LHFPL3: variants seen among roughly 807,000 people sequenced by gnomAD.
LHFPL3 encodes LHFPL tetraspan subfamily member 3.
LHFPL3 carries 5 observed loss-of-function variants against 19.3 expected under a neutral mutation model. The ratio of observed to expected loss-of-function variants is 0.26; its 90% confidence interval spans 0.14 to 0.54. The LOEUF (loss-of-function observed/expected upper bound fraction) is 0.54. Ranked by LOEUF, LHFPL3 falls within the 20% of genes least tolerant of loss-of-function variation. LHFPL3 has a pLI of 0.94. For synonymous variants in LHFPL3, 133 were observed against 126.2 expected (o/e 1.05, Z -0.36); for missense variants, 249 against 307.4 (o/e 0.81, Z 1.42).
At chr7:104,696,528 A>T (rs1011627702) in intron 1 of LHFPL3, among the ~76,000 whole-genome samples, 2 of 152,138 alleles carry the variant, frequency 1.3e-5, no homozygotes, top group African/African-American at 4.8e-5. Flanking sequence ...CTTATAAAGG[A>T]TAGTGAGAAT....
intron 2 of LHFPL3, among the ~76,000 whole-genome samples, chr7:104,756,543 A>C (rs961326510): frequency 3.3e-5 from 5 of 152,206 alleles, no homozygotes; most frequent in African/African-American, 1.2e-4. Context: ...TCTGTCACTC[A>C]GGCTGAAGTG....
chr7:104,732,338 T>C (rs983247387), intron 1 of LHFPL3, among the ~76,000 whole-genome samples: 1 of 152,222 alleles, frequency 6.6e-6, no homozygotes, highest in African/African-American at 2.4e-5. Flanking sequence ...AATTCGGCTG[T>C]GAATCCATCT....
At chr7:104,851,331 C>A (rs1337169128) in intron 2 of LHFPL3, among the ~76,000 whole-genome samples, 1 of 152,180 alleles carries the variant, frequency 6.6e-6, no homozygotes, top group Non-Finnish European at 1.5e-5. Flanking sequence ...GTCTGAGTCT[C>A]TGGGCTGGTT....
chr7:104,576,752 A>G (rs1415153535), intron 1 of LHFPL3, among the ~76,000 whole-genome samples: 1 of 152,170 alleles, frequency 6.6e-6, no homozygotes, highest in Non-Finnish European at 1.5e-5. Flanking sequence ...CTTGACCTAC[A>G]GGTCTCTCAA....
intron 1 of LHFPL3, among the ~76,000 whole-genome samples, chr7:104,685,461 C>G (rs1792787016): frequency 6.6e-6 from 1 of 152,236 alleles, no homozygotes; most frequent in Non-Finnish European, 1.5e-5. Context: ...CACAGACACA[C>G]ACACACATTC....
chr7:104,874,001 G>C (rs569401083), intron 2 of LHFPL3, among the ~76,000 whole-genome samples: 14 of 152,292 alleles, frequency 9.2e-5, no homozygotes, highest in African/African-American at 3.4e-4. Context: ...AATGAAAACT[G>C]GCCCATGGGG....
At chr7:104,831,134 G>A (rs1383802576) in intron 2 of LHFPL3, among the ~76,000 whole-genome samples, 2 of 151,912 alleles carry the variant, frequency 1.3e-5, no homozygotes, top group Admixed American at 6.5e-5. Flanking sequence ...ATTTCACTGT[G>A]TGACCACATT....
chr7:104,556,334 G>A (rs1188886124), intron 1 of LHFPL3, among the ~76,000 whole-genome samples: 1 of 152,200 alleles, frequency 6.6e-6, no homozygotes, highest in Non-Finnish European at 1.5e-5. Flanking sequence ...GCATCCAGGT[G>A]TTTCCATATA....
chr7:104,670,516 CA>C (rs1562962295), intron 1 of LHFPL3, among the ~76,000 whole-genome samples: 1 of 152,120 alleles, frequency 6.6e-6, no homozygotes, highest in Non-Finnish European at 1.5e-5. Flanking sequence ...CTTAACCTCC[CA>C]AAAAGCAGTA....
intron 1 of LHFPL3, among the ~76,000 whole-genome samples, chr7:104,541,430 T>C (rs530664990): frequency 2.0e-5 from 3 of 152,288 alleles, no homozygotes; most frequent in East Asian, 3.9e-4. Context: ...TCATTGTGTC[T>C]GAACAATGAG....
chr7:104,452,112 C>G (rs550222367), intron 1 of LHFPL3, among the ~76,000 whole-genome samples: 1 of 151,938 alleles, frequency 6.6e-6, no homozygotes, highest in Admixed American at 6.6e-5. Flanking sequence ...AAATAATCAC[C>G]GAGAAATAGC....
chr7:104,665,375 G>T (rs1014936742), intron 1 of LHFPL3, among the ~76,000 whole-genome samples: 8 of 152,160 alleles, frequency 5.3e-5, no homozygotes, highest in Admixed American at 5.2e-4. Context: ...AGAAGAGGAG[G>T]ATAATATGGT....
chr7:104,548,078 T>A (rs371924913), intron 1 of LHFPL3, among the ~76,000 whole-genome samples: 1 of 152,144 alleles, frequency 6.6e-6, no homozygotes, highest in Non-Finnish European at 1.5e-5. Flanking sequence ...AAAAGCTGGA[T>A]ACATTTTTAA....
At position 104,549,976 on chromosome 7, in the gene LHFPL3, G is replaced by A. The variant is rs146127404; in HGVS notation, c.446-186699G>A. Among the ~76,000 whole-genome samples, 389 of 152,242 alleles carry A rather than the reference G, an allele frequency of 2.6e-3. 2 individuals carry two copies. The highest frequency in any genetic ancestry group is 8.9e-3 in the African/African-American group (369 of 41,558). On this transcript the variant is annotated intron_variant, in intron 1 of 2. Transcript: ENST00000424859. The stretch of plus-strand genomic sequence containing the variant: ...GAGCCAATAGGATGTGTGTACAGAG[G>A]GAGATTGATTTATTTTAAGGAATTG...
intron 1 of LHFPL3, chr7:104,668,998 A>G: frequency 6.2e-7 from 1 of 1,612,198 alleles, no homozygotes; most frequent in Non-Finnish European, 8.5e-7. Flanking sequence ...ACGGTCGAGG[A>G]CAGGAAGTGA....
At chr7:104,831,774 T>C (rs982988227) in intron 2 of LHFPL3, among the ~76,000 whole-genome samples, 2 of 143,146 alleles carry the variant, frequency 1.4e-5, no homozygotes, top group Admixed American at 1.5e-4. Flanking sequence ...TAATTGTAGA[T>C]AGTGTTGTTT....
chr7:104,768,665 G>T (rs1011546636), intron 2 of LHFPL3: 1 of 152,140 alleles, frequency 6.6e-6, no homozygotes, highest in African/African-American at 2.4e-5. Context: ...AAAGCCCTCG[G>T]CACAAAGGAT....
At chr7:104,540,468 C>T (rs2115873081) in intron 1 of LHFPL3, among the ~76,000 whole-genome samples, 1 of 152,212 alleles carries the variant, frequency 6.6e-6, no homozygotes, top group East Asian at 1.9e-4. Context: ...GGACAGTCCC[C>T]CACAACAAAG....
chr7:104,521,993 T>C (rs2115812642), intron 1 of LHFPL3, among the ~76,000 whole-genome samples: 1 of 152,078 alleles, frequency 6.6e-6, no homozygotes, highest in Admixed American at 6.5e-5. Context: ...TCCTCAGGGA[T>C]CTAGAACTGG....
Sources: allele counts gnomAD v4.1 joint callset (sites outside exome capture counted in the v4.1 genomes callset), GRCh38; gene constraint gnomAD v4.1.1; transcripts MANE v1.5; gene names NCBI Gene and HGNC (gene_info 2026-07-23, HGNC 2026-07-21).